KCNN1: variants seen among roughly 807,000 people sequenced by gnomAD.
KCNN1 encodes small conductance calcium-activated potassium channel protein 1.
Under a neutral mutation model 44.7 loss-of-function variants are expected in KCNN1, and 20 were observed. The observed-to-expected ratio is 0.45, with a 90% CI of 0.32 to 0.65. The LOEUF is 0.65. Among genes scored for constraint, KCNN1 ranks in the 30% least tolerant of loss-of-function variants. KCNN1 has a pLI of 0.05. For missense variants in KCNN1, 632 were observed against 785.3 expected, an observed-to-expected ratio of 0.80 and a Z score of 2.33; for synonymous variants, 324 against 341.7, an observed-to-expected ratio of 0.95 and a Z score of 0.57.
chr19:17,961,108 C>T (rs551397917), intron 2 of KCNN1, among the ~76,000 whole-genome samples: 1 of 151,224 alleles, frequency 6.6e-6, no homozygotes, highest in Non-Finnish European at 1.5e-5. Context: ...ATTGCGTGAA[C>T]CCAGGAGGCG....
chr19:17,998,216 G>A lies in KCNN1; in HGVS notation c.1442G>A (p.Arg481His), dbSNP rs765453929. 24 of 1,587,346 alleles carry A rather than the reference G, an allele frequency of 1.5e-5. No individual in the cohort carries two copies. The highest frequency in any genetic ancestry group is 1.9e-5 in the Non-Finnish European group (22 of 1,168,346). Residue 481 changes from arginine to histidine, a missense_variant, in exon 10 of 10, where the codon CGC (arginine) becomes CAC (histidine). Coordinates refer to ENST00000684775, the MANE Select transcript of KCNN1 (RefSeq NM_001386974.1). The surrounding 1 kb of genome is among the most constrained non-coding windows in gnomAD (Gnocchi z 5.4). Reference sequence around the variant, plus strand: ...GCTCAGCACGAGGAGCTGGAGGCCCGCCTGGCCACCCTGGAAAGCCGCTTG... The same window carrying A: ...GCTCAGCACGAGGAGCTGGAGGCCCACCTGGCCACCCTGGAAAGCCGCTTG... ...LHAQHEELEA[R>H]LATLESRLDA...
intron 4 of KCNN1, among the ~76,000 whole-genome samples, chr19:17,984,839 C>T (rs189470152): frequency 2.6e-5 from 4 of 152,240 alleles, no homozygotes; most frequent in African/African-American, 9.6e-5. Flanking sequence ...GTCCTCCAGT[C>T]TATGTCCTTC....
intron 2 of KCNN1, among the ~76,000 whole-genome samples, chr19:17,961,532 A>G (rs1418470710): frequency 6.6e-6 from 1 of 151,966 alleles, no homozygotes; most frequent in African/African-American, 2.4e-5. Context: ...AGTGAGACCC[A>G]GCTTCAAAAA....
chr19:17,990,101 C>G, intron 7 of KCNN1: 1 of 643,724 alleles, frequency 1.6e-6, no homozygotes, highest in Non-Finnish European at 2.9e-6. Flanking sequence ...AATTCTTACC[C>G]TTTAGACTTT....
rs909621691 is a variant in KCNN1, at chr19:17,993,313, G to A, written c.1308-177G>A. 1.5e-4 allele frequency among the ~76,000 whole-genome samples: 23 copies of A among 152,284 alleles called. No homozygotes were observed. Among genetic ancestry groups the A allele is most frequent in the Admixed American group, 4.6e-4 (7 of 15,292 alleles). ...GGCCAGGCTGACTTCTGGCCCTGGC[G>A]CACCGGCTGTGTACTGGGAGGGAAT... On this transcript the variant is annotated intron_variant, in intron 8 of 9. Coordinates refer to ENST00000684775, the MANE Select transcript of KCNN1 (RefSeq NM_001386974.1). This position sits in a 1 kb window ranked among gnomAD's most constrained non-coding sequence, Gnocchi z 4.5.
chr19:17,987,994 A>T (rs1900184077), intron 5 of KCNN1, among the ~76,000 whole-genome samples: 1 of 151,446 alleles, frequency 6.6e-6, no homozygotes, highest in African/African-American at 2.4e-5. Flanking sequence ...ACACACACAC[A>T]CACACACACA....
At chr19:17,977,540 G>A (rs1247320937) in intron 3 of KCNN1, among the ~76,000 whole-genome samples, 1 of 151,828 alleles carries the variant, frequency 6.6e-6, no homozygotes, top group African/African-American at 2.4e-5. Context: ...TGTAGAAAGG[G>A]GGTCTTACCA....
chr19:17,953,409 G>A (rs1240175105), intron 1 of KCNN1, among the ~76,000 whole-genome samples: 2 of 152,198 alleles, frequency 1.3e-5, no homozygotes, highest in African/African-American at 2.4e-5. Flanking sequence ...GGTGACCATT[G>A]CCCCGATCCC....
At chr19:17,978,838 C>T (rs566873980) in intron 3 of KCNN1, among the ~76,000 whole-genome samples, 4 of 151,072 alleles carry the variant, frequency 2.6e-5, no homozygotes, top group South Asian at 2.1e-4. Flanking sequence ...GAGGATCACT[C>T]GAGCACAGGA....
At chr19:17,963,153 GC>G (rs1222483875), upstream of KCNN1, among the ~76,000 whole-genome samples, 1 of 149,964 alleles carries the variant, frequency 6.7e-6, no homozygotes, top group Non-Finnish European at 1.5e-5. Flanking sequence ...GATTACAGGC[GC>G]CCGCCACCAC....
chr19:17,985,200 C>T, intron 4 of KCNN1, 112 bp from the exon 5 acceptor site: 1 of 1,052,724 alleles, frequency 9.5e-7, no homozygotes, highest in Non-Finnish European at 1.3e-6. Context: ...AGCCCCAACG[C>T]AGCGAGGTGG....
Position 17,982,446 on chromosome 19 carries a change from G to A in KCNN1, c.917+319G>A, listed in dbSNP as rs1191997245. On this transcript the variant is annotated intron_variant, in intron 4 of 9. Transcript: ENST00000684775. ...TCGGCTCCCTGGGAGGCTGACTCCC[G>A]ATCTCTGGCCCCGGGGGGCGCAGGC... The A allele has an allele frequency of 6.3e-6, 4 of 631,312 alleles. No individual in the cohort carries two copies. The African/African-American group carries it at 8.0e-5, about 13-fold the overall frequency. The allele number at this position is 631,312 out of a possible 1,614,324, so 39.1% of individuals were successfully genotyped here.
At chr19:17,982,932 C>T (rs1013864293) in intron 4 of KCNN1, among the ~76,000 whole-genome samples, 2 of 151,724 alleles carry the variant, frequency 1.3e-5, no homozygotes, top group African/African-American at 4.8e-5. Context: ...CCCAGCTACT[C>T]GGGAGCCTGA....
chr19:17,957,851 G>C (rs113318561), intron 2 of KCNN1, among the ~76,000 whole-genome samples: 1 of 152,116 alleles, frequency 6.6e-6, no homozygotes, highest in African/African-American at 2.4e-5. Flanking sequence ...GAGTGGAGGT[G>C]GCAGGAGCCC....
At chr19:17,978,945 A>C (rs1278303834) in intron 3 of KCNN1, among the ~76,000 whole-genome samples, 3 of 151,664 alleles carry the variant, frequency 2.0e-5, no homozygotes, top group Admixed American at 6.6e-5. Context: ...CTGTAGTTCC[A>C]GCTACTTGGG....
At chr19:17,976,629 G>C (rs1683064703) in intron 3 of KCNN1, among the ~76,000 whole-genome samples, 1 of 151,972 alleles carries the variant, frequency 6.6e-6, no homozygotes, top group Non-Finnish European at 1.5e-5. Flanking sequence ...TGTTGGTCAG[G>C]GTGGTCTCGA....
At chr19:17,967,446 G>A in intron 1 of KCNN1, 129 bp downstream of exon 1, 1 of 299,446 alleles carries the variant, frequency 3.3e-6, no homozygotes, top group Non-Finnish European at 4.9e-6. Context: ...TCTCCGTGCG[G>A]TCCGGAGCCT....
intron 7 of KCNN1, among the ~76,000 whole-genome samples, chr19:17,991,351 T>TGAGGTGG (rs1188466329): frequency 2.0e-5 from 3 of 151,636 alleles, no homozygotes; most frequent in African/African-American, 7.3e-5. Context: ...CCCAGGAGGT[T>TGAGGTGG]GAGGTGGGAG....
chr19:17,989,473 A>C (rs1268308613), intron 6 of KCNN1, among the ~76,000 whole-genome samples: 1 of 152,030 alleles, frequency 6.6e-6, no homozygotes, highest in Non-Finnish European at 1.5e-5. Context: ...AAACAAACAA[A>C]CAAAAAACAT....
Sources: allele counts gnomAD v4.1 joint callset (sites outside exome capture counted in the v4.1 genomes callset), GRCh38; gene constraint gnomAD v4.1.1; non-coding constraint Gnocchi (gnomAD v3.1); transcripts MANE v1.5; gene names NCBI Gene and HGNC (gene_info 2026-07-23, HGNC 2026-07-21).